ROR2: variants seen among roughly 807,000 people sequenced by gnomAD.
ROR2 encodes tyrosine-protein kinase transmembrane receptor ROR2.
ROR2 carries 33 observed loss-of-function variants against 74.9 expected under a neutral mutation model. The ratio of observed to expected loss-of-function variants is 0.44; its 90% CI spans 0.33 to 0.59. The LOEUF (loss-of-function observed/expected upper bound fraction) is 0.59, where lower values mean the gene tolerates loss of function less well. Ranked by LOEUF, ROR2 falls within the 20% of genes least tolerant of loss-of-function variation. The probability of loss-of-function intolerance (pLI) is 0.02; values close to 1 mark genes in which losing one functional copy is unlikely to be tolerated. For missense variants in ROR2, 1,216 were observed against 1,313.8 expected, an observed-to-expected ratio of 0.93 and a Z score of 1.15; for synonymous variants, 586 against 558.7, an observed-to-expected ratio of 1.05 and a Z score of -0.69.
intron 1 of ROR2, among the ~76,000 whole-genome samples, chr9:91,816,891 AC>A (rs1200596939): frequency 1.9e-4 from 29 of 152,232 alleles, no homozygotes; most frequent in African/African-American, 6.7e-4. Context: ...GAGAAAGATA[AC>A]CATCCCACAG....
rs188944864 is a variant in ROR2, at chr9:91,846,099, T to C, written c.98-70281A>G. On this transcript the variant is annotated intron_variant, in intron 1 of 8. Coordinates refer to ENST00000375708, the MANE Select transcript of ROR2 (RefSeq NM_004560.4). ...CCTCCCGGCTGGGCTTCTACAACAA[T>C]GGGGCCCAGGCAAGGCCTGCTGTTC... is the stretch of plus-strand genomic sequence containing the variant. 9.9e-4 allele frequency among the ~76,000 whole-genome samples: 150 copies of C among 152,122 alleles called. 1 individual carries two copies. Among genetic ancestry groups the C allele is most frequent in the African/African-American group, 3.3e-3 (139 of 41,516 alleles).
chr9:91,949,850 G>A lies in ROR2; in HGVS notation c.97+17C>T. ...GTGAGCTACCGTCTGCGCACAAGCC[G>A]GAACGCCAGATCCTACCTGAAGTCC... On this transcript the variant is annotated intron_variant, in intron 1 of 8. Coordinates refer to ENST00000375708, the MANE Select transcript of ROR2 (RefSeq NM_004560.4). 6.7e-7 allele frequency: 1 copy of A among 1,494,014 alleles called. No individual in the cohort carries two copies. Among genetic ancestry groups the A allele is most frequent in the South Asian group, 1.2e-5 (1 of 82,920 alleles). The allele number at this position is 1,494,014 out of a possible 1,614,324, so 92.5% of individuals were successfully genotyped here.
chr9:91,797,802 G>T (rs1175769873), intron 1 of ROR2, among the ~76,000 whole-genome samples: 1 of 41,668 alleles, frequency 2.4e-5, no homozygotes, highest in African/African-American at 1.5e-4. Flanking sequence ...TGTGGGTGGG[G>T]CTGACACCCT....
intron 1 of ROR2, among the ~76,000 whole-genome samples, chr9:91,850,233 TA>T (rs2119251328): frequency 6.7e-6 from 1 of 150,024 alleles, no homozygotes; most frequent in Admixed American, 6.9e-5. Flanking sequence ...ACCCTGCTAA[TA>T]TAGTTAGAAA....
chr9:91,785,988 A>C (rs1054995340), intron 1 of ROR2, among the ~76,000 whole-genome samples: 1 of 152,218 alleles, frequency 6.6e-6, no homozygotes, highest in East Asian at 1.9e-4. Context: ...TACAACATAC[A>C]CACGACAGAA....
At chr9:91,949,720 G>T in intron 1 of ROR2, 147 bp downstream of exon 1, 1 of 660,420 alleles carries the variant, frequency 1.5e-6, no homozygotes. Context: ...GAGCGGCGTC[G>T]GGCGAGATGC....
At chr9:91,759,539 C>A (rs988216000) in intron 2 of ROR2, among the ~76,000 whole-genome samples, 1 of 152,132 alleles carries the variant, frequency 6.6e-6, no homozygotes, top group African/African-American at 2.4e-5. Flanking sequence ...ACAGGCACAG[C>A]ATGGGGAATC....
intron 1 of ROR2, among the ~76,000 whole-genome samples, chr9:91,814,580 C>T (rs1292380603): frequency 6.6e-6 from 1 of 152,232 alleles, no homozygotes; most frequent in Non-Finnish European, 1.5e-5. Flanking sequence ...CCAGCTGTTA[C>T]ATACCACTCT....
chr9:91,927,562 C>CTTTTTTTTT lies in ROR2; in HGVS notation c.97+22296_97+22304dup, dbSNP rs775823582. 2.2e-4 allele frequency among the ~76,000 whole-genome samples: 21 copies of CTTTTTTTTT among 94,946 alleles called. 1 individual carries two copies. Among genetic ancestry groups the CTTTTTTTTT allele is most frequent in the African/African-American group, 5.8e-4 (13 of 22,608 alleles). The allele number at this position is 94,946 out of a possible 152,430, so 62.3% of individuals were successfully genotyped here. A position where few individuals can be genotyped will look rare whatever the true frequency, so the allele number is the denominator to read the frequency against. On this transcript the variant is annotated intron_variant, in intron 1 of 8. Transcript: ENST00000375708. ...TGGCTGGCTCTGTGTTTTCTAGATT[C>CTTTTTTTTT]TTTTTTTTTTTTTTTTTTTTTGAGA... is the stretch of plus-strand genomic sequence containing the variant.
At chr9:91,787,260 C>G (rs1285795948) in intron 1 of ROR2, among the ~76,000 whole-genome samples, 1 of 152,176 alleles carries the variant, frequency 6.6e-6, no homozygotes, top group Non-Finnish European at 1.5e-5. Context: ...CCTGTAATCC[C>G]AGCACTTTGG....
chr9:91,740,557 G>GA (rs1044772144), intron 4 of ROR2, among the ~76,000 whole-genome samples: 1 of 145,848 alleles, frequency 6.9e-6, no homozygotes, highest in African/African-American at 2.7e-5. Flanking sequence ...GTTTCGGGCG[G>GA]GGGGGGGAAT....
chr9:91,741,918 C>T (rs1825264730), intron 4 of ROR2, among the ~76,000 whole-genome samples: 1 of 152,192 alleles, frequency 6.6e-6, no homozygotes, highest in Non-Finnish European at 1.5e-5. Flanking sequence ...ATAAAATTAC[C>T]AGACATGCAA....
intron 1 of ROR2, among the ~76,000 whole-genome samples, chr9:91,883,612 T>A (rs1284837443): frequency 6.6e-6 from 1 of 152,180 alleles, no homozygotes; most frequent in Non-Finnish European, 1.5e-5. Context: ...ATATAGAACA[T>A]TTCTATCATT....
chr9:91,796,070 G>A (rs1478661666), intron 1 of ROR2, among the ~76,000 whole-genome samples: 6 of 152,180 alleles, frequency 3.9e-5, no homozygotes. Context: ...AAAACCTCAA[G>A]GGTCAGAGGG....
chr9:91,933,604 G>A (rs146943290), intron 1 of ROR2, among the ~76,000 whole-genome samples: 80 of 152,320 alleles, frequency 5.3e-4, no homozygotes, highest in African/African-American at 1.9e-3. Flanking sequence ...AAAGACTTAT[G>A]AGAACTATCG....
At chr9:91,892,843 G>GGGT (rs1830455945) in intron 1 of ROR2, among the ~76,000 whole-genome samples, 1 of 152,090 alleles carries the variant, frequency 6.6e-6, no homozygotes, top group African/African-American at 2.4e-5. Context: ...ACCCGCCTCA[G>GGGT]CCTCCCAAAG....
intron 1 of ROR2, among the ~76,000 whole-genome samples, chr9:91,938,987 A>T (rs1187168417): frequency 6.6e-6 from 1 of 152,222 alleles, no homozygotes; most frequent in Non-Finnish European, 1.5e-5. Context: ...GCAGTGGCTC[A>T]TGTCTGTAAT....
intron 1 of ROR2, among the ~76,000 whole-genome samples, chr9:91,790,440 A>G (rs1388946582): frequency 2.0e-5 from 3 of 151,842 alleles, no homozygotes; most frequent in African/African-American, 7.3e-5. Flanking sequence ...AACCTGGGAG[A>G]AGGAGACTGC....
Position 91,723,732 on chromosome 9 carries a change from G to A in ROR2, c.2762C>T (p.Pro921Leu), listed in dbSNP as rs1225706803. 6.2e-7 allele frequency: 1 copy of A among 1,613,892 alleles called. No individual in the cohort carries two copies. The highest frequency in any genetic ancestry group is 8.5e-7 in the Non-Finnish European group (1 of 1,180,030). Residue 921 changes from proline to leucine, a missense_variant, in exon 9 of 9, where the codon CCA (proline) becomes CTA (leucine). By Grantham distance (98) the Pro-to-Leu change is moderately conservative (BLOSUM62 -3). Coordinates refer to ENST00000375708, the MANE Select transcript of ROR2 (RefSeq NM_004560.4). ...ACAGTCCCCCAGCAGCTCAGTCTCT[G>A]GGACAGAGCCTTCCTCCTCCTCCTC... Reference protein sequence around the residue: ...EAEEEEEGSVPETELLGDCDT... With the variant: ...EAEEEEEGSVLETELLGDCDT...
Sources: allele counts gnomAD v4.1 joint callset (sites outside exome capture counted in the v4.1 genomes callset), GRCh38; gene constraint gnomAD v4.1.1; transcripts MANE v1.5; gene names NCBI Gene and HGNC (gene_info 2026-07-23, HGNC 2026-07-21).